The following NDRG1 variants were observed in gnomAD, a reference collection of about 807,000 sequenced individuals.
The protein encoded by NDRG1 is N-myc downstream regulated 1.
NDRG1 carries 32 observed loss-of-function variants against 56.9 expected under a neutral mutation model. The observed-to-expected ratio is 0.56, with a 90% CI of 0.42 to 0.76. The LOEUF is 0.76. NDRG1 is among the 30% of genes least tolerant of loss of function. NDRG1 has a pLI of 0.00. For missense variants in NDRG1, 507 were observed against 545.7 expected (o/e 0.93, Z 0.71); for synonymous variants, 211 against 204.1 (o/e 1.03, Z -0.29).
rs753045177 is a variant in NDRG1, at chr8:133,256,801, G to A, written c.513C>T (p.Gly171=). The A allele has an allele frequency of 2.5e-6, 4 of 1,614,054 alleles. No homozygotes were observed. The Admixed American group carries it at 6.7e-5, about 27-fold the overall frequency. ...CCTTGGAGGCGGCCCAGTCCATCCA[G>A]CCTTCCGCACAAGGGTTCACGTTGA... ...VLINVNPCAE[G]WMDWAASKIS... is the part of the protein sequence containing the mutation. Residue 171 remains glycine (G), a synonymous_variant, in exon 8 of 16, where the codon GGC becomes GGT. Coordinates refer to ENST00000323851, the MANE Select transcript of NDRG1 (RefSeq NM_006096.4).
At chr8:133,239,955 T>C (rs1855290044) in intron 15 of NDRG1, 1 of 152,232 alleles carries the variant, frequency 6.6e-6, no homozygotes, top group Non-Finnish European at 1.5e-5. Flanking sequence ...GATGTCCTTA[T>C]AGAAACAGCA....
intron 3 of NDRG1, among the ~76,000 whole-genome samples, chr8:133,275,542 C>T (rs1586472742): frequency 6.6e-6 from 1 of 152,138 alleles, no homozygotes; most frequent in South Asian, 2.1e-4. Flanking sequence ...GACTTCAGTG[C>T]AATGTCACCA....
At chr8:133,267,437 G>A (rs926480341) in intron 3 of NDRG1, among the ~76,000 whole-genome samples, 3 of 152,110 alleles carry the variant, frequency 2.0e-5, no homozygotes, top group African/African-American at 7.2e-5. Context: ...CCCCAACACC[G>A]TTAAGTCCCC....
chr8:133,248,824 T>C, intron 10 of NDRG1, 53 bp from the exon 11 acceptor site: 2 of 1,602,500 alleles, frequency 1.2e-6, no homozygotes, highest in Admixed American at 3.3e-5. Context: ...TGGAGAAATC[T>C]CCCACTCCCA....
chr8:133,264,390 T>C (rs1856808010), intron 4 of NDRG1, among the ~76,000 whole-genome samples, 157 bp downstream of exon 4: 1 of 152,262 alleles, frequency 6.6e-6, no homozygotes, highest in South Asian at 2.1e-4. Flanking sequence ...ATTTCTGGCT[T>C]TTCCAGGCTG....
chr8:133,261,064 G>A (rs1856637458), intron 5 of NDRG1, among the ~76,000 whole-genome samples: 1 of 152,204 alleles, frequency 6.6e-6, no homozygotes, highest in Non-Finnish European at 1.5e-5. Flanking sequence ...ACACGTCTCA[G>A]TAGATAGGAT....
chr8:133,250,409 G>A, intron 10 of NDRG1, 31 bp downstream of exon 10: 1 of 1,556,780 alleles, frequency 6.4e-7, no homozygotes, highest in Non-Finnish European at 8.9e-7. Context: ...CTCATAAATA[G>A]CAATGATGTG....
chr8:133,291,342 C>A (rs900037245), intron 1 of NDRG1, among the ~76,000 whole-genome samples: 9 of 152,166 alleles, frequency 5.9e-5, no homozygotes, highest in Non-Finnish European at 1.0e-4. Context: ...GAGAACAGCA[C>A]CATTTCTGCC....
At chr8:133,251,337 G>A (rs566815282) in intron 9 of NDRG1, among the ~76,000 whole-genome samples, 1 of 152,354 alleles carries the variant, frequency 6.6e-6, no homozygotes, top group South Asian at 2.1e-4. Context: ...GAAAGCCGGT[G>A]TCAAGCTTGA....
chr8:133,287,389 T>C (rs1308879381), intron 1 of NDRG1, among the ~76,000 whole-genome samples: 1 of 152,188 alleles, frequency 6.6e-6, no homozygotes, highest in Non-Finnish European at 1.5e-5. Flanking sequence ...CTAGGTTCTA[T>C]GTGCCCAACA....
chr8:133,259,844 C>G (rs1367200959), intron 5 of NDRG1, among the ~76,000 whole-genome samples: 1 of 152,184 alleles, frequency 6.6e-6, no homozygotes, highest in Admixed American at 6.5e-5. Context: ...ATAACAAAGC[C>G]TATCGAAACA....
intron 9 of NDRG1, among the ~76,000 whole-genome samples, chr8:133,253,826 G>A (rs1410274325): frequency 6.6e-6 from 1 of 151,550 alleles, no homozygotes; most frequent in Non-Finnish European, 1.5e-5. Context: ...AGCCTCCCAA[G>A]TAGCTAGGAC....
intron 3 of NDRG1, among the ~76,000 whole-genome samples, chr8:133,272,862 G>C (rs1460973778): frequency 6.6e-6 from 1 of 152,204 alleles, no homozygotes; most frequent in Non-Finnish European, 1.5e-5. Flanking sequence ...CCCACCTTCA[G>C]TCATGGGGCA....
chr8:133,271,853 T>C (rs1459635945), intron 3 of NDRG1, among the ~76,000 whole-genome samples: 1 of 147,162 alleles, frequency 6.8e-6, no homozygotes, highest in African/African-American at 2.5e-5. Context: ...GGGAGGTGTG[T>C]GTGTAGCCAG....
intron 9 of NDRG1, among the ~76,000 whole-genome samples, chr8:133,250,828 A>G (rs2130699962): frequency 6.6e-6 from 1 of 151,536 alleles, no homozygotes; most frequent in African/African-American, 2.4e-5. Context: ...TTGAAGTCAG[A>G]CATCCTGGAT....
intron 3 of NDRG1, among the ~76,000 whole-genome samples, chr8:133,268,703 A>G (rs1857037753): frequency 6.6e-6 from 1 of 152,186 alleles, no homozygotes; most frequent in South Asian, 2.1e-4. Flanking sequence ...TGGTAGAACT[A>G]GGATTCGAAC....
rs957949198 is a variant in NDRG1, at chr8:133,248,030, T to C, written c.756-104A>G. ...GCCTGCATTCTACAAACAATGTCAT[T>C]TTGGTTTCCCCAACACCCTTTGCTC... On this transcript the variant is annotated intron_variant, in intron 11 of 15. Transcript: ENST00000323851. 6 of 1,165,082 alleles carry C rather than the reference T, an allele frequency of 5.1e-6. No homozygotes were observed. The African/African-American group carries it at 9.0e-5, about 18-fold the overall frequency. 72.2% of individuals were successfully genotyped at this position (1,165,082 alleles called of 1,614,324 possible).
chr8:133,241,587 G>A lies in NDRG1; in HGVS notation c.943+436C>T, dbSNP rs144098499. ...CACTGATAAGATGGGCTAAGAATAT[G>A]TCAAAGGAGTACTGTGATGGTTCAG... On this transcript the variant is annotated intron_variant, in intron 15 of 15. Transcript: ENST00000323851. 5.1e-4 allele frequency: 135 copies of A among 265,258 alleles called. 1 individual carries two copies. In the East Asian group the frequency reaches 6.0e-3, roughly 12 times the overall value. 16.4% of individuals were successfully genotyped at this position (265,258 alleles called of 1,614,324 possible). A position where few individuals can be genotyped will look rare whatever the true frequency, so the allele number is the denominator to read the frequency against.
chr8:133,262,264 A>G, intron 4 of NDRG1, 97 bp from the exon 5 acceptor site: 4 of 1,470,438 alleles, frequency 2.7e-6, no homozygotes, highest in South Asian at 1.2e-5. Flanking sequence ...TTTCATTCCT[A>G]TTCAGAAGTA....
Sources: gnomAD v4.1 joint callset for allele counts (sites outside exome capture counted in the v4.1 genomes callset) on GRCh38, gnomAD v4.1.1 for gene constraint, MANE v1.5 for transcripts, NCBI Gene and HGNC (gene_info 2026-07-23, HGNC 2026-07-21) for gene names.